IGFL2: variants seen among roughly 807,000 people sequenced by gnomAD.
The protein encoded by IGFL2 is insulin growth factor-like family member 2.
Under a neutral mutation model 13.9 loss-of-function variants are expected in IGFL2, and 7 were observed. The ratio of observed to expected loss-of-function variants is 0.51; its 90% CI spans 0.29 to 0.95. IGFL2 has a LOEUF of 0.95. Ranked by LOEUF, IGFL2 falls within the 40% of genes least tolerant of loss-of-function variation. The pLI is 0.08. For missense variants in IGFL2, 138 were observed against 147.8 expected (o/e 0.93, Z 0.34); for synonymous variants, 55 against 55.8 (o/e 0.99, Z 0.07).
chr19:46,150,058 T>C (rs937727959), intron 1 of IGFL2, among the ~76,000 whole-genome samples: 1 of 152,232 alleles, frequency 6.6e-6, no homozygotes, highest in Admixed American at 6.5e-5. Flanking sequence ...TTTTCCTGTT[T>C]ATTACAGTCA....
chr19:46,129,910 A>G, the IGFL2 span, among the ~76,000 whole-genome samples: 5 of 152,224 alleles, frequency 3.3e-5, no homozygotes, highest in South Asian at 1.0e-3. Flanking sequence ...GGTCCTGAAT[A>G]TCTTTGTTAA....
the IGFL2 span, among the ~76,000 whole-genome samples, chr19:46,093,050 G>C: frequency 6.6e-6 from 1 of 152,100 alleles, no homozygotes; most frequent in East Asian, 1.9e-4. Context: ...ACTTAAGTCT[G>C]TAAGGAAATT....
At chr19:46,120,567 T>A in the IGFL2 span, among the ~76,000 whole-genome samples, 5 of 150,274 alleles carry the variant, frequency 3.3e-5, no homozygotes, top group Non-Finnish European at 7.4e-5. Context: ...CAGCAACAGA[T>A]CCCAATAACA....
downstream of IGFL2, among the ~76,000 whole-genome samples, chr19:46,165,455 T>G (rs1313783580): frequency 6.6e-6 from 1 of 152,202 alleles, no homozygotes; most frequent in Non-Finnish European, 1.5e-5. Flanking sequence ...AACCAAAGTC[T>G]GGGAATGCCC....
At chr19:46,079,296 C>T in the IGFL2 span, among the ~76,000 whole-genome samples, 3 of 152,256 alleles carry the variant, frequency 2.0e-5, no homozygotes, top group African/African-American at 7.2e-5. Flanking sequence ...CAAGAATCCT[C>T]TGCAATGGTT....
At chr19:46,102,863 C>G in the IGFL2 span, among the ~76,000 whole-genome samples, 1 of 152,098 alleles carries the variant, frequency 6.6e-6, no homozygotes, top group Non-Finnish European at 1.5e-5. Flanking sequence ...CAATTTTTCT[C>G]ATGGCTGCTT....
the IGFL2 span, chr19:46,208,543 A>G: frequency 5.9e-5 from 9 of 152,276 alleles, no homozygotes; most frequent in African/African-American, 2.2e-4. Context: ...AGGATGGTGC[A>G]TTCTTATATA....
chr19:46,095,611 C>T, the IGFL2 span, among the ~76,000 whole-genome samples: 1 of 152,140 alleles, frequency 6.6e-6, no homozygotes, highest in African/African-American at 2.4e-5. Flanking sequence ...ATGCTTATGT[C>T]CTGAATGGTG....
the IGFL2 span, among the ~76,000 whole-genome samples, chr19:46,088,074 G>T: frequency 6.6e-6 from 1 of 152,140 alleles, no homozygotes; most frequent in African/African-American, 2.4e-5. Context: ...GACCACTGGG[G>T]GTCTCTCACC....
chr19:46,190,320 A>G, the IGFL2 span: 3 of 152,338 alleles, frequency 2.0e-5, no homozygotes, highest in Middle Eastern at 3.4e-3. Flanking sequence ...CTTTTCTGGG[A>G]TGTCCTCAGC....
At chr19:46,088,597 ATTGAACACTTTCTATATAT>A in the IGFL2 span, among the ~76,000 whole-genome samples, 1 of 152,264 alleles carries the variant, frequency 6.6e-6, no homozygotes, top group East Asian at 1.9e-4. Context: ...ACAAAGATTT[ATTGAACACTTTCTATATAT>A]TAAGAGCTTA....
At chr19:46,098,764 A>G in the IGFL2 span, among the ~76,000 whole-genome samples, 3 of 152,060 alleles carry the variant, frequency 2.0e-5, no homozygotes, top group South Asian at 2.1e-4. Context: ...CACAACATGC[A>G]TGAACCACTG....
chr19:46,093,675 G>A, the IGFL2 span, among the ~76,000 whole-genome samples: 1 of 152,050 alleles, frequency 6.6e-6, no homozygotes, highest in African/African-American at 2.4e-5. Context: ...AAATAAATTA[G>A]GTTAGCAAGT....
At chr19:46,135,025 A>G in the IGFL2 span, among the ~76,000 whole-genome samples, 3 of 152,188 alleles carry the variant, frequency 2.0e-5, no homozygotes, top group Admixed American at 1.3e-4. Context: ...ATTCACTGTC[A>G]CTATCTTGAT....
At chr19:46,120,636 A>G in the IGFL2 span, among the ~76,000 whole-genome samples, 2 of 151,078 alleles carry the variant, frequency 1.3e-5, 1 homozygote, top group African/African-American at 4.9e-5. Flanking sequence ...AGAAAATGCA[A>G]TGCAATAGAA....
the IGFL2 span, among the ~76,000 whole-genome samples, chr19:46,166,836 T>C: frequency 6.6e-6 from 1 of 152,200 alleles, no homozygotes; most frequent in East Asian, 1.9e-4. Flanking sequence ...CGGTCAGAGT[T>C]TAAGGTTATC....
the IGFL2 span, among the ~76,000 whole-genome samples, chr19:46,178,718 A>C: frequency 6.6e-6 from 1 of 152,214 alleles, no homozygotes; most frequent in Non-Finnish European, 1.5e-5. Context: ...AGCTCTTTCA[A>C]CCAATCAGAA....
the IGFL2 span, among the ~76,000 whole-genome samples, chr19:46,085,635 T>C: frequency 6.6e-6 from 1 of 152,204 alleles, no homozygotes; most frequent in Non-Finnish European, 1.5e-5. Context: ...AAGTTTAATA[T>C]TGATATGTGA....
the IGFL2 span, among the ~76,000 whole-genome samples, chr19:46,087,491 A>T: frequency 6.6e-6 from 1 of 152,026 alleles, no homozygotes. Flanking sequence ...CCCCCAGATG[A>T]TGTATGTAGG....
Sources: gnomAD v4.1 joint callset for allele counts (sites outside exome capture counted in the v4.1 genomes callset) on GRCh38, gnomAD v4.1.1 for gene constraint, MANE v1.5 for transcripts, NCBI Gene and HGNC (gene_info 2026-07-23, HGNC 2026-07-21) for gene names.